TRIM3: variants seen among roughly 807,000 people sequenced by gnomAD.
TRIM3 encodes tripartite motif-containing protein 3.
Under a neutral mutation model 66.6 loss-of-function variants are expected in TRIM3, and 13 were observed. The observed-to-expected ratio is 0.20, with a 90% CI of 0.13 to 0.31. The LOEUF is 0.31. TRIM3 is among the 10% of genes least tolerant of loss of function. The pLI is 1.00. For synonymous variants in TRIM3, 406 were observed against 411.7 expected, an observed-to-expected ratio of 0.99 and a Z score of 0.17; for missense variants, 711 against 1,020.4, an observed-to-expected ratio of 0.70 and a Z score of 4.13.
chr11:6,460,248 TTGTC>T (rs1427456740), intron 2 of TRIM3, among the ~76,000 whole-genome samples: 4 of 152,068 alleles, frequency 2.6e-5, no homozygotes, highest in African/African-American at 9.7e-5. Context: ...TGAGGGTACT[TTGTC>T]TGTAGGGAAA....
Position 6,456,363 on chromosome 11 carries a change from A to G in TRIM3, c.1363T>C (p.Ser455Pro), listed in dbSNP as rs1341325594. ...VRQKAVRRPS[S>P]MYSTGGKRKD... ...CGTTTGCCGCCTGTGCTGTACATGG[A>G]GCTGGGCCTACGCACTGCCTTCTGG... Residue 455 changes from serine to proline, a missense_variant, in exon 6 of 12, where the codon TCC becomes CCC. By Grantham distance (74) the Ser-to-Pro change is moderately conservative. Transcript: ENST00000345851. The surrounding 1 kb of genome is among the most constrained non-coding windows in gnomAD (Gnocchi z 6.4). The G allele has an allele frequency of 6.5e-7, 1 of 1,535,200 alleles. No homozygotes were observed. Among genetic ancestry groups the G allele is most frequent in the Non-Finnish European group, 8.8e-7 (1 of 1,138,460 alleles).
rs781432453 is a variant in TRIM3 at position 6,457,790 on chromosome 11, C to T, written c.421G>A (p.Gly141Arg). 1.1e-5 allele frequency: 17 copies of T among 1,614,096 alleles called. No individual in the cohort carries two copies. Among genetic ancestry groups the T allele is most frequent in the African/African-American group, 4.0e-5 (3 of 74,930 alleles). Residue 141 changes from glycine to arginine, a missense_variant, in exon 4 of 12, where the codon GGG becomes AGG. This residue lies in a region of TRIM3 where 149 missense variants were observed against 240.3 expected (regional missense o/e 0.62). Transcript: ENST00000345851. The surrounding 1 kb of genome is among the most constrained non-coding windows in gnomAD (Gnocchi z 4.5). ...ETAMCGECRA[G>R]EHREHGTVLL... Reference sequence around the variant, plus strand: ...ACTGTGCCATGCTCACGATGCTCCCCGGCGCGGCACTCACCACACATGGCC... The same window carrying T: ...ACTGTGCCATGCTCACGATGCTCCCTGGCGCGGCACTCACCACACATGGCC...
intron 8 of TRIM3, 32 bp downstream of exon 8, chr11:6,451,239 C>A (rs1370335482): frequency 6.8e-6 from 11 of 1,613,200 alleles, no homozygotes; most frequent in African/African-American, 2.7e-5. Flanking sequence ...AGCTGGACAC[C>A]AGGGTAAGTA....
Position 6,457,522 on chromosome 11 carries a change from C to G in TRIM3, c.516-46G>C. 1.3e-6 allele frequency: 2 copies of G among 1,595,302 alleles called. No individual in the cohort carries two copies. Among genetic ancestry groups the G allele is most frequent in the Non-Finnish European group, 1.7e-6 (2 of 1,169,532 alleles). On this transcript the variant is annotated intron_variant, in intron 4 of 11. Transcript: ENST00000345851. This position sits in a 1 kb window ranked among gnomAD's most constrained non-coding sequence, Gnocchi z 4.5. Reference sequence around the variant, plus strand: ...TCCAGAGTTGCTGAGGGTGGCTTTGCCGAACTTTCCCTTCTCCCTGGGGAA... The same window carrying G: ...TCCAGAGTTGCTGAGGGTGGCTTTGGCGAACTTTCCCTTCTCCCTGGGGAA...
intron 2 of TRIM3, among the ~76,000 whole-genome samples, chr11:6,459,507 G>C (rs1278636691): frequency 6.6e-6 from 1 of 152,216 alleles, no homozygotes; most frequent in Non-Finnish European, 1.5e-5. Context: ...CATGCTTTCT[G>C]ATTACGTTTC....
rs781049359 is a variant in TRIM3 at position 6,449,490 on chromosome 11, A to G, written c.1942-44T>C. ...AGGGACTGGGGACCTGGCCTCAGGC[A>G]GAGGGTAGGGCTTTGGAGGAGGATA... On this transcript the variant is annotated intron_variant, in intron 10 of 11. Transcript: ENST00000345851. This position sits in a 1 kb window ranked among gnomAD's most constrained non-coding sequence, Gnocchi z 5.3. The G allele has an allele frequency of 1.3e-6, 2 of 1,588,860 alleles. No individual in the cohort carries two copies. The highest frequency in any genetic ancestry group is 2.3e-5 in the South Asian group (2 of 87,330).
chr11:6,461,479 C>A (rs541396158), intron 2 of TRIM3, among the ~76,000 whole-genome samples: 7 of 147,654 alleles, frequency 4.7e-5, no homozygotes, highest in Non-Finnish European at 1.0e-4. Context: ...TTCCATTACC[C>A]CCCGCACCAC....
chr11:6,471,914 C>T (rs915166271), intron 1 of TRIM3, among the ~76,000 whole-genome samples: 1 of 151,970 alleles, frequency 6.6e-6, no homozygotes, highest in Admixed American at 6.6e-5. Flanking sequence ...CTCCAAAAGG[C>T]AGAGGTTATA....
In TRIM3 at chr11:6,451,773, T is replaced by C. The variant is rs1369673957; in HGVS notation, c.1534-335A>G. Reference sequence around the variant, plus strand: ...AAGGCATTCAAGCAGAGTGAACAGATTGTAAAAGGCACAAAGTCCAGTATG... The same window carrying C: ...AAGGCATTCAAGCAGAGTGAACAGACTGTAAAAGGCACAAAGTCCAGTATG... On this transcript the variant is annotated intron_variant, in intron 7 of 11. Coordinates refer to ENST00000345851, the MANE Select transcript of TRIM3 (RefSeq NM_033278.4). The C allele has an allele frequency of 1.7e-5, 5 of 297,598 alleles. No individual in the cohort carries two copies. The East Asian group carries it at 2.6e-4, about 16-fold the overall frequency. The allele number at this position is 297,598 out of a possible 1,614,324, so 18.4% of individuals were successfully genotyped here.
chr11:6,471,863 A>G (rs555476137), intron 1 of TRIM3, among the ~76,000 whole-genome samples: 1 of 152,316 alleles, frequency 6.6e-6, no homozygotes, highest in African/African-American at 2.4e-5. Flanking sequence ...CAGAAACATG[A>G]GAAACTAAGA....
In TRIM3 at chr11:6,456,705, C is replaced by A. The variant is rs1283186171; in HGVS notation, c.1021G>T (p.Ala341Ser). The A allele has an allele frequency of 6.2e-7, 1 of 1,607,246 alleles. No individual in the cohort carries two copies. Among genetic ancestry groups the A allele is most frequent in the Non-Finnish European group, 8.5e-7 (1 of 1,177,472 alleles). Residue 341 changes from alanine (A) to serine (S), a missense_variant, in exon 6 of 12, where the codon GCC becomes TCC. Ala to Ser is a moderately conservative substitution (Grantham distance 99). Around this residue, in one of 3 missense-constraint regions of TRIM3, gnomAD observed 399 missense variants for 458.1 expected, o/e 0.87. Transcript: ENST00000345851. The surrounding 1 kb of genome is among the most constrained non-coding windows in gnomAD (Gnocchi z 6.4). Reference protein sequence around the residue: ...GLRQALVGQPASLTVTTKDKD... With the variant: ...GLRQALVGQPSSLTVTTKDKD... ...TCTTTGGTAGTGACAGTGAGCGAGGCAGGCTGGCCCACTAGCGCCTGGCGC... is the reference window on the plus strand; with the variant it reads ...TCTTTGGTAGTGACAGTGAGCGAGGAAGGCTGGCCCACTAGCGCCTGGCGC...
At position 6,451,290 on chromosome 11, in the gene TRIM3, G is replaced by C; in HGVS notation, c.1682C>G (p.Ser561Cys). 1 of 1,614,112 alleles carries C rather than the reference G, an allele frequency of 6.2e-7. No individual in the cohort carries two copies. The highest frequency in any genetic ancestry group is 1.1e-5 in the South Asian group (1 of 91,078). The change falls in exon 8 of 12, where the codon TCC (serine) becomes TGC (cysteine). Residue 561 changes from serine (S) to cysteine (C), a missense_variant. Ser to Cys is a moderately radical substitution (Grantham distance 112, BLOSUM62 -1). This residue lies in a region of TRIM3 where 163 missense variants were observed against 321.9 expected (regional missense o/e 0.51). Coordinates refer to ENST00000345851, the MANE Select transcript of TRIM3 (RefSeq NM_033278.4). ...DYDNRWVSIF[S>C]PEGKFKTKIG... ...TCTCACCTTGAACTTGCCCTCAGGG[G>C]AGAAGATGCTGACCCAACGGTTGTC...
In TRIM3 at chr11:6,456,260, G is replaced by T. The variant is rs367705048; in HGVS notation, c.1429+37C>A. ...CCTTCCCTCCCCACCCACTACCTGAGCCTGGCCCATCTGGCTCTGCCCTCG... is the reference window on the plus strand; with the variant it reads ...CCTTCCCTCCCCACCCACTACCTGATCCTGGCCCATCTGGCTCTGCCCTCG... On this transcript the variant is annotated intron_variant, in intron 6 of 11. Coordinates refer to ENST00000345851, the MANE Select transcript of TRIM3 (RefSeq NM_033278.4). This position sits in a 1 kb window ranked among gnomAD's most constrained non-coding sequence, Gnocchi z 6.4. The T allele has an allele frequency of 9.4e-6, 15 of 1,590,020 alleles. No homozygotes were observed. The African/African-American group carries it at 1.7e-4, about 18-fold the overall frequency.
intron 2 of TRIM3, among the ~76,000 whole-genome samples, chr11:6,463,546 G>A (rs932197728): frequency 1.3e-5 from 2 of 152,188 alleles, no homozygotes; most frequent in African/African-American, 4.8e-5. Flanking sequence ...GGAACTGCAG[G>A]GGAGCCAGTC....
upstream of TRIM3, chr11:6,473,976 G>A (rs1328159540): frequency 1.3e-5 from 2 of 151,286 alleles, no homozygotes; most frequent in East Asian, 3.9e-4. Flanking sequence ...GCTGCGGACC[G>A]GCCGGGGGAG....
chr11:6,453,532 A>C (rs1296468520), intron 7 of TRIM3, among the ~76,000 whole-genome samples: 2 of 152,198 alleles, frequency 1.3e-5, no homozygotes, highest in Non-Finnish European at 2.9e-5. Context: ...AAACCAGACA[A>C]AAACAAAAAC....
In TRIM3 at chr11:6,457,199, T is replaced by G; in HGVS notation, c.696+97A>C. 6.5e-7 allele frequency: 1 copy of G among 1,540,774 alleles called. No homozygotes were observed. The highest frequency in any genetic ancestry group is 8.8e-7 in the Non-Finnish European group (1 of 1,137,032). ...ATGTCAGGAGGCAGAATATCTAGGC[T>G]GGGGAATGGGGAGCTGGTGTGGAAG... On this transcript the variant is annotated intron_variant, in intron 5 of 11. Coordinates refer to ENST00000345851, the MANE Select transcript of TRIM3 (RefSeq NM_033278.4). This position sits in a 1 kb window ranked among gnomAD's most constrained non-coding sequence, Gnocchi z 4.5.
In TRIM3 at chr11:6,450,670, G is replaced by T; in HGVS notation, c.1871-49C>A. 1.9e-6 allele frequency: 3 copies of T among 1,566,560 alleles called. No individual in the cohort carries two copies. Among genetic ancestry groups the T allele is most frequent in the Non-Finnish European group, 2.6e-6 (3 of 1,136,928 alleles). On this transcript the variant is annotated intron_variant, in intron 9 of 11. Coordinates refer to ENST00000345851, the MANE Select transcript of TRIM3 (RefSeq NM_033278.4). The surrounding 1 kb of genome is among the most constrained non-coding windows in gnomAD (Gnocchi z 4.8). The stretch of plus-strand genomic sequence containing the variant: ...GGGCAGTAAGCTGGGATGCTGAGTG[G>T]GATGGGGAAGAGTATCTGGGAAGAT...
rs757344745 is a variant in TRIM3 at position 6,450,930 on chromosome 11, C to T, written c.1832G>A (p.Arg611His). 8.7e-6 allele frequency: 14 copies of T among 1,614,092 alleles called. No individual in the cohort carries two copies. The highest frequency in any genetic ancestry group is 2.2e-5 in the East Asian group (1 of 44,896). The change falls in exon 9 of 12, where the codon CGT becomes CAT. Residue 611 changes from arginine to histidine, a missense_variant. Around this residue, in one of 3 missense-constraint regions of TRIM3, gnomAD observed 163 missense variants for 321.9 expected, o/e 0.51. Transcript: ENST00000345851. The surrounding 1 kb of genome is among the most constrained non-coding windows in gnomAD (Gnocchi z 4.8). ...GTCAGTGGCCCCACGGCCCCCAAAA[C>T]GGCCAACCAGTTTGCCATTGGGCTG... ...TFQPNGKLVG[R>H]FGGRGATDRH...
Sources: gnomAD v4.1 joint callset for allele counts (sites outside exome capture counted in the v4.1 genomes callset) on GRCh38, gnomAD v4.1.1 for gene constraint, gnomAD v4.1.1 regional missense constraint, Gnocchi (gnomAD v3.1) non-coding constraint, MANE v1.5 for transcripts, NCBI Gene and HGNC (gene_info 2026-07-23, HGNC 2026-07-21) for gene names.